The following CACNA2D3 variants were observed in gnomAD, a reference collection of about 807,000 sequenced individuals.
The protein encoded by CACNA2D3 is calcium voltage-gated channel auxiliary subunit alpha2delta 3.
Under a neutral mutation model 160.6 loss-of-function variants are expected in CACNA2D3, and 60 were observed. The observed-to-expected ratio is 0.37, with a 90% confidence interval of 0.30 to 0.46. The LOEUF (loss-of-function observed/expected upper bound fraction) is 0.46, where lower values mean the gene tolerates loss of function less well. Among genes scored for constraint, CACNA2D3 ranks in the 20% least tolerant of loss-of-function variants. The pLI, the probability that CACNA2D3 is intolerant of heterozygous loss-of-function variation, is 1.00. For synonymous variants in CACNA2D3, 558 were observed against 492.9 expected (o/e 1.13, Z -1.75); for missense variants, 1,205 against 1,365.0 (o/e 0.88, Z 1.85).
chr3:54,538,398 C>T (rs1240834493), intron 5 of CACNA2D3, among the ~76,000 whole-genome samples: 1 of 152,172 alleles, frequency 6.6e-6, no homozygotes, highest in Non-Finnish European at 1.5e-5. Context: ...CCTCCCCCTC[C>T]TCCAGCGTCC....
At chr3:54,803,982 A>C (rs1485919965) in intron 13 of CACNA2D3, among the ~76,000 whole-genome samples, 2 of 152,170 alleles carry the variant, frequency 1.3e-5, no homozygotes, top group African/African-American at 2.4e-5. Flanking sequence ...GAGAAATAAA[A>C]TCCTTTACAG....
intron 2 of CACNA2D3, among the ~76,000 whole-genome samples, chr3:54,165,600 T>TTAAA (rs1553741735): frequency 1.1e-5 from 1 of 93,428 alleles, no homozygotes; most frequent in Admixed American, 1.1e-4. Flanking sequence ...GTTCCATCTC[T>TTAAA]AAAAAAAAAA....
At chr3:54,123,020 G>A (rs1699506656) in intron 1 of CACNA2D3, among the ~76,000 whole-genome samples, 185 bp downstream of exon 1, 1 of 152,108 alleles carries the variant, frequency 6.6e-6, no homozygotes, top group Admixed American at 6.5e-5. Flanking sequence ...TCTGGCCCCT[G>A]CCCGCAGGTT....
intron 3 of CACNA2D3, among the ~76,000 whole-genome samples, chr3:54,383,360 T>A (rs1403010816): frequency 6.6e-6 from 1 of 152,138 alleles, no homozygotes; most frequent in Non-Finnish European, 1.5e-5. Context: ...TGTAGGCCTG[T>A]CTCCTATTGG....
chr3:54,852,272 A>T (rs1699075429), intron 17 of CACNA2D3, among the ~76,000 whole-genome samples: 1 of 152,202 alleles, frequency 6.6e-6, no homozygotes, highest in Non-Finnish European at 1.5e-5. Flanking sequence ...AACTCTGCCT[A>T]TTCTAGCCAT....
At chr3:54,347,400 C>G (rs1698478780) in intron 3 of CACNA2D3, among the ~76,000 whole-genome samples, 1 of 152,154 alleles carries the variant, frequency 6.6e-6, no homozygotes, top group South Asian at 2.1e-4. Flanking sequence ...AATATGAAAT[C>G]CCTTTCATTT....
intron 11 of CACNA2D3, among the ~76,000 whole-genome samples, chr3:54,672,600 G>A (rs1161605794): frequency 3.3e-5 from 5 of 152,242 alleles, no homozygotes; most frequent in African/African-American, 4.8e-5. Flanking sequence ...ACCTGAACAC[G>A]TTGGTTGTTT....
chr3:54,383,145 G>A (rs1699131489), intron 3 of CACNA2D3, among the ~76,000 whole-genome samples: 1 of 152,150 alleles, frequency 6.6e-6, no homozygotes, highest in Non-Finnish European at 1.5e-5. Flanking sequence ...CCTGTTTTAG[G>A]TAAATCTATG....
chr3:54,555,380 G>A (rs537621768), intron 5 of CACNA2D3, among the ~76,000 whole-genome samples: 5 of 152,256 alleles, frequency 3.3e-5, no homozygotes, highest in Admixed American at 2.6e-4. Flanking sequence ...ATTCAAAGAT[G>A]CAAAACTAAT....
chr3:54,984,503 AAT>A, intron 29 of CACNA2D3, 103 bp from the exon 30 acceptor site: 3 of 714,336 alleles, frequency 4.2e-6, no homozygotes. Context: ...TTTCCAAAAA[AAT>A]AAGTTTGTCT....
chr3:54,265,868 G>A (rs1389303644), intron 2 of CACNA2D3, among the ~76,000 whole-genome samples: 2 of 151,708 alleles, frequency 1.3e-5, no homozygotes, highest in Non-Finnish European at 2.9e-5. Context: ...CAGACTTAAA[G>A]CCTTTTGAGG....
intron 2 of CACNA2D3, among the ~76,000 whole-genome samples, chr3:54,229,025 A>G (rs983949629): frequency 6.6e-6 from 1 of 152,218 alleles, no homozygotes; most frequent in Admixed American, 6.5e-5. Context: ...TGGAAGATTC[A>G]GGAATGAATG....
Position 54,350,979 on chromosome 3 carries a change from T to G in CACNA2D3, c.321+30421T>G, listed in dbSNP as rs567714041. On this transcript the variant is annotated intron_variant, in intron 3 of 37. Coordinates refer to ENST00000474759, the MANE Select transcript of CACNA2D3 (RefSeq NM_018398.3). ...GAGATCTTGAGTCTGTTTTTTTTTT[T>G]TTGTTTGTTTTTTTTTTTTTTTTTT... is the stretch of plus-strand genomic sequence containing the variant. Among the ~76,000 whole-genome samples the G allele has an allele frequency of 1.5e-4, 6 of 40,240 alleles. 1 individual carries two copies. The South Asian group carries it at 2.2e-3, about 15-fold the overall frequency. 26.4% of individuals were successfully genotyped at this position (40,240 alleles called of 152,430 possible). A position where few individuals can be genotyped will look rare whatever the true frequency, so the allele number is the denominator to read the frequency against.
chr3:54,570,210 A>C, intron 8 of CACNA2D3, 106 bp downstream of exon 8: 1 of 1,144,040 alleles, frequency 8.7e-7, no homozygotes, highest in Non-Finnish European at 1.3e-6. Flanking sequence ...TCTAGATGCC[A>C]GAACATGAGG....
chr3:54,736,083 G>GTATATATATATATATACATATATA (rs1265902604), intron 11 of CACNA2D3, among the ~76,000 whole-genome samples: 3 of 34,238 alleles, frequency 8.8e-5, no homozygotes, highest in African/African-American at 1.6e-4. Context: ...ACATATATAT[G>GTATATATATATATATACATATATA]TATGTGTATA....
intron 2 of CACNA2D3, among the ~76,000 whole-genome samples, chr3:54,290,260 A>G (rs1341986835): frequency 6.6e-6 from 1 of 152,222 alleles, no homozygotes; most frequent in Non-Finnish European, 1.5e-5. Context: ...ATATGAACAG[A>G]CCCTTCTGAA....
intron 31 of CACNA2D3, among the ~76,000 whole-genome samples, chr3:55,003,979 C>A (rs1012175553): frequency 5.9e-5 from 9 of 152,132 alleles, no homozygotes; most frequent in African/African-American, 1.9e-4. Flanking sequence ...CATATTTTGG[C>A]GTAATGGTTT....
chr3:54,591,151 G>A (rs958053009), intron 9 of CACNA2D3, among the ~76,000 whole-genome samples: 2 of 152,172 alleles, frequency 1.3e-5, no homozygotes, highest in Non-Finnish European at 2.9e-5. Context: ...GCAGACAGTA[G>A]CAAATTCATG....
intron 2 of CACNA2D3, among the ~76,000 whole-genome samples, chr3:54,276,481 G>A (rs1702741205): frequency 6.6e-6 from 1 of 151,618 alleles, no homozygotes; most frequent in Non-Finnish European, 1.5e-5. Flanking sequence ...GCTGAGGCAG[G>A]AGAATTGCTT....
Sources: gnomAD v4.1 joint callset for allele counts (sites outside exome capture counted in the v4.1 genomes callset) on GRCh38, gnomAD v4.1.1 for gene constraint, MANE v1.5 for transcripts, NCBI Gene and HGNC (gene_info 2026-07-23, HGNC 2026-07-21) for gene names.